ERC2: variants seen among roughly 807,000 people sequenced by gnomAD.
ERC2 encodes the protein ELKS/RAB6-interacting/CAST family member 2.
A neutral mutation model predicts 114.8 loss-of-function variants in ERC2; 42 were observed. The observed-to-expected ratio is 0.37, with a 90% CI of 0.29 to 0.47. The LOEUF is 0.47. Among genes scored for constraint, ERC2 ranks in the 20% least tolerant of loss-of-function variants. ERC2 has a pLI of 0.99. For missense variants in ERC2, 939 were observed against 1,150.7 expected, an observed-to-expected ratio of 0.82 and a Z score of 2.66; for synonymous variants, 454 against 425.5, an observed-to-expected ratio of 1.07 and a Z score of -0.82.
At chr3:55,685,540 C>CAA (rs1437474994) in intron 16 of ERC2, among the ~76,000 whole-genome samples, 2 of 152,188 alleles carry the variant, frequency 1.3e-5, no homozygotes, top group African/African-American at 4.8e-5. Context: ...TGCTCCTTTT[C>CAA]ATCTTCATGA....
intron 3 of ERC2, among the ~76,000 whole-genome samples, chr3:56,224,284 G>A (rs1248791321): frequency 6.6e-6 from 1 of 152,150 alleles, no homozygotes; most frequent in East Asian, 1.9e-4. Flanking sequence ...TTTACACAAG[G>A]ACCTTAGTGT....
At chr3:55,983,155 C>T (rs1367117008) in intron 12 of ERC2, among the ~76,000 whole-genome samples, 2 of 152,190 alleles carry the variant, frequency 1.3e-5, no homozygotes, top group African/African-American at 2.4e-5. Flanking sequence ...ATCAGCTGAC[C>T]TGGGATCCAA....
intron 12 of ERC2, among the ~76,000 whole-genome samples, chr3:55,973,392 T>G (rs2069324834): frequency 6.6e-6 from 1 of 152,120 alleles, no homozygotes. Context: ...GGAGGATGAG[T>G]GAAAGAAGTG....
At chr3:55,589,867 C>T (rs1232984027) in intron 17 of ERC2, among the ~76,000 whole-genome samples, 3 of 152,064 alleles carry the variant, frequency 2.0e-5, no homozygotes, top group Non-Finnish European at 4.4e-5. Flanking sequence ...CTGAGGAGCA[C>T]ATGGGGGCAA....
intron 12 of ERC2, among the ~76,000 whole-genome samples, chr3:55,974,392 T>A (rs533992503): frequency 1.3e-5 from 2 of 152,274 alleles, no homozygotes; most frequent in Middle Eastern, 3.4e-3. Flanking sequence ...GAAGTCCATC[T>A]CCCCTTCAGA....
chr3:56,134,924 T>G (rs566543039), intron 6 of ERC2, among the ~76,000 whole-genome samples: 12 of 149,010 alleles, frequency 8.1e-5, no homozygotes, highest in Non-Finnish European at 1.5e-4. Context: ...TTTTTTGTTT[T>G]TTTTTGTTTT....
At chr3:56,274,631 T>C (rs139202381) in intron 3 of ERC2, among the ~76,000 whole-genome samples, 1 of 152,308 alleles carries the variant, frequency 6.6e-6, no homozygotes, top group African/African-American at 2.4e-5. Flanking sequence ...CAAATATTGT[T>C]TGTGTGGGTG....
intron 3 of ERC2, among the ~76,000 whole-genome samples, chr3:56,188,813 C>T (rs1575746896): frequency 6.6e-6 from 1 of 152,082 alleles, no homozygotes; most frequent in Non-Finnish European, 1.5e-5. Context: ...GGCAGTCATG[C>T]CTCCGTGACG....
chr3:56,372,664 G>A (rs540678923), intron 2 of ERC2, among the ~76,000 whole-genome samples: 1 of 152,206 alleles, frequency 6.6e-6, no homozygotes, highest in African/African-American at 2.4e-5. Flanking sequence ...GGAGGTGGAG[G>A]TTGCAGTAAG....
intron 17 of ERC2, among the ~76,000 whole-genome samples, chr3:55,609,026 TAACC>T (rs1233329345): frequency 6.6e-6 from 1 of 152,198 alleles, no homozygotes; most frequent in African/African-American, 2.4e-5. Context: ...GATTTTTTTA[TAACC>T]ACTCTGATGG....
At chr3:55,837,772 C>T (rs1003114434) in intron 14 of ERC2, among the ~76,000 whole-genome samples, 1 of 151,260 alleles carries the variant, frequency 6.6e-6, no homozygotes, top group Admixed American at 6.6e-5. Flanking sequence ...AGACAGAACC[C>T]GCCAGAGTAA....
intron 17 of ERC2, among the ~76,000 whole-genome samples, chr3:55,671,914 T>C (rs968809054): frequency 2.6e-5 from 4 of 152,170 alleles, no homozygotes; most frequent in Non-Finnish European, 4.4e-5. Context: ...GCTGTCTCTC[T>C]GGAGTGTGAC....
rs142892106 is a variant in ERC2 at position 55,830,967 on chromosome 3, T to C, written c.2564+57422A>G. On this transcript the variant is annotated intron_variant, in intron 14 of 17. Coordinates refer to ENST00000288221, the MANE Select transcript of ERC2 (RefSeq NM_015576.3). ...TCTTTAAAAACTAAAATAAAACAAA[T>C]AGATATAGTCAAAAGTCAATAGATA... 4.7e-3 allele frequency among the ~76,000 whole-genome samples: 706 copies of C among 151,526 alleles called. 7 individuals are homozygous for C. The highest frequency in any genetic ancestry group is 0.016 in the African/African-American group (658 of 41,316).
chr3:55,867,039 A>ATGTTT (rs375286049), intron 14 of ERC2, among the ~76,000 whole-genome samples: 60 of 152,132 alleles, frequency 3.9e-4, no homozygotes, highest in Admixed American at 1.2e-3. Context: ...TTAGGAATTT[A>ATGTTT]TGTTTTGTTT....
At chr3:56,250,149 C>A (rs1231678841) in intron 3 of ERC2, among the ~76,000 whole-genome samples, 1 of 152,248 alleles carries the variant, frequency 6.6e-6, no homozygotes, top group Non-Finnish European at 1.5e-5. Context: ...AGCCACCACG[C>A]CCGGCCATCA....
At chr3:55,525,661 G>T (rs541278709) in intron 17 of ERC2, among the ~76,000 whole-genome samples, 1 of 152,194 alleles carries the variant, frequency 6.6e-6, no homozygotes, top group Non-Finnish European at 1.5e-5. Context: ...GAATGGGAAG[G>T]GGGGAGTAGC....
chr3:56,048,681 G>T (rs987102285), intron 7 of ERC2, among the ~76,000 whole-genome samples: 1 of 152,086 alleles, frequency 6.6e-6, no homozygotes. Flanking sequence ...ATTCAGTATT[G>T]AGCTAATATT....
chr3:55,913,360 A>G (rs1002237991), intron 13 of ERC2, among the ~76,000 whole-genome samples: 5 of 152,176 alleles, frequency 3.3e-5, no homozygotes, highest in South Asian at 2.1e-4. Context: ...TAGATAAATC[A>G]TATCTAAATA....
At chr3:55,727,252 T>C (rs529933559) in intron 15 of ERC2, among the ~76,000 whole-genome samples, 23 of 152,276 alleles carry the variant, frequency 1.5e-4, no homozygotes, top group Admixed American at 1.4e-3. Flanking sequence ...CTGGCCTCCA[T>C]AGAAAAAGAA....
Sources: allele counts gnomAD v4.1 joint callset (sites outside exome capture counted in the v4.1 genomes callset), GRCh38; gene constraint gnomAD v4.1.1; transcripts MANE v1.5; gene names NCBI Gene and HGNC (gene_info 2026-07-23, HGNC 2026-07-21).